Variants in VEZF1 observed in about 807,000 individuals in gnomAD.
The protein encoded by VEZF1 is putative transcription factor DB1.
Under a neutral mutation model 44.1 loss-of-function variants are expected in VEZF1, and 5 were observed. That is an observed-to-expected ratio of 0.11 (90% CI 0.06 to 0.24). The LOEUF is 0.24. Ranked by LOEUF, VEZF1 falls within the 10% of genes least tolerant of loss-of-function variation. The probability of loss-of-function intolerance (pLI) is 1.00; values close to 1 mark genes in which losing one functional copy is unlikely to be tolerated. For missense variants in VEZF1, 358 were observed against 641.8 expected, an observed-to-expected ratio of 0.56 and a Z score of 4.78; for synonymous variants, 236 against 233.1, an observed-to-expected ratio of 1.01 and a Z score of -0.11.
rs1228691041 is a variant in VEZF1, at chr17:57,974,468, A to G, written c.*5T>C. The stretch of plus-strand genomic sequence containing the variant: ...TTTACCCATATTTTGATTTTATAAT[A>G]CTGTTTACCAAGGCGGTGATGTAGG... On this transcript the variant is annotated 3_prime_UTR_variant, in exon 6 of 6. Transcript: ENST00000581208. 2 of 1,609,350 alleles carry G rather than the reference A, an allele frequency of 1.2e-6. No homozygotes were observed. The highest frequency in any genetic ancestry group is 1.1e-5 in the South Asian group (1 of 90,996).
intron 3 of VEZF1, 114 bp downstream of exon 3, chr17:57,981,759 T>C: frequency 1.1e-6 from 1 of 892,434 alleles, no homozygotes; most frequent in Admixed American, 2.4e-5. Context: ...GGGCCACATT[T>C]ACTCAGGTCA....
At chr17:57,981,823 G>C (rs375671593) in intron 3 of VEZF1, 50 bp downstream of exon 3, 2 of 1,557,048 alleles carry the variant, frequency 1.3e-6, no homozygotes, top group Non-Finnish European at 8.9e-7. Flanking sequence ...AGACCTTCTG[G>C]ATAATGTGCA....
chr17:57,980,652 C>T lies in VEZF1; in HGVS notation c.927G>A (p.Gly309=), dbSNP rs745781195. The T allele has an allele frequency of 6.2e-7, 1 of 1,613,722 alleles. No individual in the cohort carries two copies. Residue 309 remains glycine (G), a synonymous_variant, in exon 4 of 6, where the codon GGG becomes GGA. Coordinates refer to ENST00000581208, the MANE Select transcript of VEZF1 (RefSeq NM_007146.3). ...TATTACAGTTGATACTTTGGCTCTG[C>T]CCATGAGTCTTTAAGTGGCTGGTGA... ...AYITSHLKTH[G]QSQSINCNTC...
rs1273576954 is a variant in VEZF1 at position 57,974,571 on chromosome 17, T to C, written c.1468A>G (p.Thr490Ala). The change falls in exon 6 of 6, where the codon ACA (threonine) becomes GCA (alanine). Residue 490 changes from threonine to alanine, a missense_variant. Physicochemically the swap from Thr to Ala is moderately conservative, Grantham distance 58. This residue lies in a region of VEZF1 where 171 missense variants were observed against 272.4 expected (regional missense o/e 0.63). Transcript: ENST00000581208. ...VTITSPMNLP[T>A]PMTLAAPLNI... is the part of the protein sequence containing the mutation. ...AGAGGGGCGGCTAATGTCATAGGTG[T>C]GGGTAGATTCATTGGAGATGTGATG... The C allele has an allele frequency of 1.9e-6, 3 of 1,614,050 alleles. No individual in the cohort carries two copies. Among genetic ancestry groups the C allele is most frequent in the Admixed American group, 3.3e-5 (2 of 60,008 alleles).
intron 1 of VEZF1, among the ~76,000 whole-genome samples, chr17:57,983,827 T>A (rs899340037): frequency 2.6e-5 from 4 of 152,166 alleles, no homozygotes; most frequent in African/African-American, 9.7e-5. Flanking sequence ...AACACAATCA[T>A]CTATTTGTCT....
At position 57,974,353 on chromosome 17, in the gene VEZF1, C is replaced by T; in HGVS notation, c.*120G>A. ...AATTGGAGAAAAATGCTACCACACTCTTATTAACTAATGTAATAAAATCTC... is the reference window on the plus strand; with the variant it reads ...AATTGGAGAAAAATGCTACCACACTTTTATTAACTAATGTAATAAAATCTC... On this transcript the variant is annotated 3_prime_UTR_variant, in exon 6 of 6. Transcript: ENST00000581208. The T allele has an allele frequency of 1.7e-6, 2 of 1,186,180 alleles. No individual in the cohort carries two copies. The highest frequency in any genetic ancestry group is 2.3e-6 in the Non-Finnish European group (2 of 855,022). The allele number at this position is 1,186,180 out of a possible 1,614,324, so 73.5% of individuals were successfully genotyped here.
chr17:57,987,470 C>T (rs186551239), intron 1 of VEZF1, among the ~76,000 whole-genome samples: 1 of 152,180 alleles, frequency 6.6e-6, no homozygotes, highest in East Asian at 1.9e-4. Flanking sequence ...TGGGTAAACA[C>T]GAGAGGGGTG....
At chr17:57,976,619 G>A (rs372721712) in intron 5 of VEZF1, among the ~76,000 whole-genome samples, 2 of 152,100 alleles carry the variant, frequency 1.3e-5, no homozygotes, top group African/African-American at 4.8e-5. Flanking sequence ...CAGGTCAGGA[G>A]TCTCCTCTCC....
rs565689756 is a variant in VEZF1 at position 57,979,982 on chromosome 17, A to C, written c.976+621T>G. Among the ~76,000 whole-genome samples, 239 of 151,640 alleles carry C rather than the reference A, an allele frequency of 1.6e-3. 1 individual carries two copies. Among genetic ancestry groups the C allele is most frequent in the African/African-American group, 4.1e-3 (169 of 41,410 alleles). ...GAAGACTCCGTCTCAAAAAAAAAAA[A>C]AAAAAAAAACAAAAAAAACAGAAGT... is the stretch of plus-strand genomic sequence containing the variant. On this transcript the variant is annotated intron_variant, in intron 4 of 5. Transcript: ENST00000581208.
At chr17:57,984,940 A>C (rs1167386059) in intron 1 of VEZF1, among the ~76,000 whole-genome samples, 1 of 152,236 alleles carries the variant, frequency 6.6e-6, no homozygotes, top group Non-Finnish European at 1.5e-5. Context: ...AGCAAATTAC[A>C]GTCCGCTTTT....
intron 3 of VEZF1, among the ~76,000 whole-genome samples, 176 bp from the exon 4 acceptor site, chr17:57,980,962 A>G (rs1266986442): frequency 1.3e-5 from 2 of 152,166 alleles, no homozygotes; most frequent in East Asian, 3.8e-4. Flanking sequence ...TAAATTTTAG[A>G]CTCTTCCATT....
In VEZF1 at chr17:57,974,866, A is replaced by T. The variant is rs199961165; in HGVS notation, c.1173T>A (p.Ala391=). ...GAGTAGTGAGAGTCACAGGTGTCGT[A>T]GCAGCCGTGGAGGTTTGGCACAGGT... ...AANLCQTSTA[A]TTPVTLTTPF... is the part of the protein sequence containing the mutation. The change falls in exon 6 of 6, where the codon GCT becomes GCA. Residue 391 remains alanine, a synonymous_variant. Transcript: ENST00000581208. 1.7e-5 allele frequency: 28 copies of T among 1,614,046 alleles called. No individual in the cohort carries two copies. The highest frequency in any genetic ancestry group is 2.4e-5 in the Non-Finnish European group (28 of 1,179,986).
At chr17:57,976,279 G>A (rs1376615603) in intron 5 of VEZF1, among the ~76,000 whole-genome samples, 1 of 152,144 alleles carries the variant, frequency 6.6e-6, no homozygotes, top group Non-Finnish European at 1.5e-5. Flanking sequence ...ACCGCAGGGG[G>A]ACCCTTGAGT....
intron 1 of VEZF1, among the ~76,000 whole-genome samples, chr17:57,987,830 CGTGTGT>C (rs1000074295): frequency 1.3e-5 from 2 of 151,688 alleles, no homozygotes; most frequent in African/African-American, 4.8e-5. Context: ...TGTGTGTGTG[CGTGTGT>C]GTGCTGGGGG....
In VEZF1 at chr17:57,983,380, G is replaced by C; in HGVS notation, c.47C>G (p.Ser16Cys). 6.2e-7 allele frequency: 1 copy of C among 1,607,112 alleles called. No individual in the cohort carries two copies. The highest frequency in any genetic ancestry group is 8.5e-7 in the Non-Finnish European group (1 of 1,178,210). The change falls in exon 2 of 6, where the codon TCC (serine) becomes TGC (cysteine). Residue 16 changes from serine to cysteine, a missense_variant. This residue lies in a region of VEZF1 where 22 missense variants were observed against 17.3 expected (regional missense o/e 1.27). Coordinates refer to ENST00000581208, the MANE Select transcript of VEZF1 (RefSeq NM_007146.3). ...TAFLFQAHEA[S>C]HHQQQAAQNS... ...CTGTGCTGCCTGCTGTTGGTGATGG[G>C]AAGCTTCATGGGCCTAAAACCAAAC...
At position 57,982,872 on chromosome 17, in the gene VEZF1, A is replaced by G; in HGVS notation, c.555T>C (p.Asp185=). ...GCTTGTGTCGATTGAGATGGTACACATCTCGGAAGGCCTTCCCACACATCT... is the reference window on the plus strand; with the variant it reads ...GCTTGTGTCGATTGAGATGGTACACGTCTCGGAAGGCCTTCCCACACATCT... The part of the protein sequence containing the change: ...ACEMCGKAFR[D]VYHLNRHKLS... The change falls in exon 2 of 6, where the codon GAT becomes GAC. Residue 185 remains aspartate, a synonymous_variant. Transcript: ENST00000581208. 6.2e-7 allele frequency: 1 copy of G among 1,614,148 alleles called. No individual in the cohort carries two copies. Among genetic ancestry groups the G allele is most frequent in the Non-Finnish European group, 8.5e-7 (1 of 1,180,030 alleles).
intron 4 of VEZF1, 39 bp from the exon 5 acceptor site, chr17:57,979,352 T>C (rs368647995): frequency 1.9e-6 from 3 of 1,598,850 alleles, no homozygotes; most frequent in Non-Finnish European, 2.6e-6. Context: ...TATCTACCTG[T>C]AAAACTGTTG....
chr17:57,982,161 A>G (rs960172111), intron 2 of VEZF1, among the ~76,000 whole-genome samples: 6 of 152,216 alleles, frequency 3.9e-5, no homozygotes, highest in African/African-American at 9.6e-5. Context: ...ATCAAATCAT[A>G]TTAGGTCTTG....
At chr17:57,974,999 T>C (rs1159147904) in intron 5 of VEZF1, 99 bp from the exon 6 acceptor site, 1 of 1,328,040 alleles carries the variant, frequency 7.5e-7, no homozygotes, top group Non-Finnish European at 1.0e-6. Flanking sequence ...TGTCAAACAT[T>C]TAATAAATCA....
Sources: allele counts gnomAD v4.1 joint callset (sites outside exome capture counted in the v4.1 genomes callset), GRCh38; gene constraint gnomAD v4.1.1; regional missense constraint gnomAD v4.1.1; transcripts MANE v1.5; gene names NCBI Gene and HGNC (gene_info 2026-07-23, HGNC 2026-07-21).